The following RGS10 variants were observed in gnomAD, a reference collection of about 807,000 sequenced individuals.
RGS10 encodes the protein regulator of G-protein signalling 10.
Under a neutral mutation model 23.5 loss-of-function variants are expected in RGS10, and 11 were observed. The observed-to-expected ratio is 0.47, with a 90% CI of 0.29 to 0.77. The LOEUF (loss-of-function observed/expected upper bound fraction) is 0.77, where lower values mean the gene tolerates loss of function less well. RGS10 is among the 30% of genes least tolerant of loss of function. The pLI is 0.08. For missense variants in RGS10, 180 were observed against 226.3 expected (o/e 0.80, Z 1.31); for synonymous variants, 77 against 83.2 (o/e 0.92, Z 0.41).
At chr10:119,525,198 C>A (rs543542094) in intron 3 of RGS10, among the ~76,000 whole-genome samples, 162 of 152,250 alleles carry the variant, frequency 1.1e-3, no homozygotes, top group African/African-American at 3.7e-3. Flanking sequence ...GAAAGTCCAC[C>A]AGGGTCGCAG....
chr10:119,538,553 G>A lies in RGS10; in HGVS notation c.49+4037C>T, dbSNP rs1051153537. The stretch of plus-strand genomic sequence containing the variant: ...GTCCAGTCCCTCCAGGGGTAGAGTA[G>A]GGAGCAGGAAAAATGGGGCTGGGAA... On this transcript the variant is annotated intron_variant, in intron 1 of 4. Coordinates refer to ENST00000369103, the MANE Select transcript of RGS10 (RefSeq NM_001005339.2). This position sits in a 1 kb window ranked among gnomAD's most constrained non-coding sequence, Gnocchi z 4.5. Among the ~76,000 whole-genome samples the A allele has an allele frequency of 5.3e-5, 8 of 152,176 alleles. No homozygotes were observed. The highest frequency in any genetic ancestry group is 1.9e-4 in the African/African-American group (8 of 41,442).
At chr10:119,530,084 C>T (rs565506811) in intron 1 of RGS10, among the ~76,000 whole-genome samples, 2 of 152,116 alleles carry the variant, frequency 1.3e-5, no homozygotes, top group African/African-American at 4.8e-5. Flanking sequence ...GAGCGAGACT[C>T]CATCTGATTA....
At chr10:119,540,314 G>T (rs1021433885) in intron 1 of RGS10, among the ~76,000 whole-genome samples, 1 of 151,978 alleles carries the variant, frequency 6.6e-6, no homozygotes, top group Admixed American at 6.5e-5. Flanking sequence ...GCAGTGGCAC[G>T]ATCTAAGCTC....
intron 3 of RGS10, among the ~76,000 whole-genome samples, chr10:119,518,420 A>G (rs1344436959): frequency 6.6e-6 from 1 of 152,196 alleles, no homozygotes; most frequent in Non-Finnish European, 1.5e-5. Flanking sequence ...CCCTTCTTCG[A>G]GGCCCAGCAG....
chr10:119,520,432 C>T (rs1394430531), intron 3 of RGS10, among the ~76,000 whole-genome samples: 1 of 152,084 alleles, frequency 6.6e-6, no homozygotes, highest in African/African-American at 2.4e-5. Context: ...AGAAAGAAGC[C>T]ATCAGACCCC....
intron 1 of RGS10, among the ~76,000 whole-genome samples, chr10:119,541,447 A>G (rs1844433742): frequency 6.6e-6 from 1 of 152,202 alleles, no homozygotes; most frequent in South Asian, 2.1e-4. Context: ...CCAATTAAGT[A>G]CTTTAAAAGG....
intron 4 of RGS10, 92 bp downstream of exon 4, chr10:119,515,417 G>T: frequency 6.8e-7 from 1 of 1,480,672 alleles, no homozygotes; most frequent in Non-Finnish European, 9.3e-7. Context: ...TGGTTTCCAG[G>T]GAGTCTAACA....
chr10:119,521,519 G>A lies in RGS10; in HGVS notation c.255+4513C>T, dbSNP rs186688963. On this transcript the variant is annotated intron_variant, in intron 3 of 4. Coordinates refer to ENST00000369103, the MANE Select transcript of RGS10 (RefSeq NM_001005339.2). ...TGGAAGACAGAGGTTGCAGTGAGCC[G>A]AGATCATGCCATTGCACTCCAGCCT... Among the ~76,000 whole-genome samples the A allele has an allele frequency of 2.3e-4, 34 of 150,140 alleles. No individual in the cohort carries two copies. In the East Asian group the frequency reaches 5.3e-3, roughly 23 times the overall value.
chr10:119,525,593 C>T (rs1401668658), intron 3 of RGS10, among the ~76,000 whole-genome samples: 1 of 152,218 alleles, frequency 6.6e-6, no homozygotes, highest in Non-Finnish European at 1.5e-5. Flanking sequence ...GCTTTCTCTG[C>T]AGGATGCTCG....
chr10:119,518,751 C>T (rs1844175164), intron 3 of RGS10, among the ~76,000 whole-genome samples: 1 of 151,790 alleles, frequency 6.6e-6, no homozygotes, highest in Admixed American at 6.6e-5. Context: ...GTCGCCCAGG[C>T]TGGAGTGCAG....
chr10:119,508,875 T>C lies in RGS10; in HGVS notation c.399+6634A>G, dbSNP rs573416739. Among the ~76,000 whole-genome samples the C allele has an allele frequency of 7.2e-5, 11 of 152,276 alleles. No individual in the cohort carries two copies. In the South Asian group the frequency reaches 8.3e-4, roughly 11 times the overall value. ...ACTTTAGGAAGCCAAGGCTGGAGGA[T>C]TGCTTGAGCCCAGGAGTTCAAGACC... is the stretch of plus-strand genomic sequence containing the variant. On this transcript the variant is annotated intron_variant, in intron 4 of 4. Coordinates refer to ENST00000369103, the MANE Select transcript of RGS10 (RefSeq NM_001005339.2).
At position 119,499,837 on chromosome 10, in the gene RGS10, T is replaced by G; in HGVS notation, c.*276A>C. 1 of 321,536 alleles carries G rather than the reference T, an allele frequency of 3.1e-6. No individual in the cohort carries two copies. 19.9% of individuals were successfully genotyped at this position (321,536 alleles called of 1,614,324 possible). ...ATACGTTTCACCTTGTGGCCTTACA[T>G]GAGGTTTAATTAAGCTACAAAATGC... is the stretch of plus-strand genomic sequence containing the variant. On this transcript the variant is annotated 3_prime_UTR_variant, in exon 5 of 5. Coordinates refer to ENST00000369103, the MANE Select transcript of RGS10 (RefSeq NM_001005339.2).
intron 4 of RGS10, among the ~76,000 whole-genome samples, chr10:119,512,593 G>A (rs972159595): frequency 6.6e-6 from 1 of 152,096 alleles, no homozygotes; most frequent in African/African-American, 2.4e-5. Context: ...TGTCGCTCAG[G>A]CTGGAGTGCA....
chr10:119,536,839 C>T (rs1284095778), intron 1 of RGS10, among the ~76,000 whole-genome samples: 1 of 152,118 alleles, frequency 6.6e-6, no homozygotes, highest in Non-Finnish European at 1.5e-5. Context: ...GACATTTCTG[C>T]GTAAAGCTGC....
rs150882691 is a variant in RGS10 at position 119,501,978 on chromosome 10, C to T, written c.400-1719G>A. 1.7e-3 allele frequency among the ~76,000 whole-genome samples: 254 copies of T among 152,174 alleles called. 1 individual carries two copies. The highest frequency in any genetic ancestry group is 7.1e-3 in the South Asian group (34 of 4,822). On this transcript the variant is annotated intron_variant, in intron 4 of 4. Transcript: ENST00000369103. ...TTAAACTGTTAAACTAGCGCCTGCCCATCCCCTGGTGCCCTTCTAGTCTTG... is the reference window on the plus strand; with the variant it reads ...TTAAACTGTTAAACTAGCGCCTGCCTATCCCCTGGTGCCCTTCTAGTCTTG...
intron 1 of RGS10, among the ~76,000 whole-genome samples, chr10:119,531,257 C>T (rs1006968440): frequency 9.9e-5 from 15 of 152,200 alleles, no homozygotes; most frequent in African/African-American, 3.6e-4. Flanking sequence ...TCTAGAGACA[C>T]AAGTTCACTG....
In RGS10 at chr10:119,517,692, G is replaced by A. The variant is rs1368174058; in HGVS notation, c.256-2040C>T. 3.3e-5 allele frequency among the ~76,000 whole-genome samples: 5 copies of A among 151,930 alleles called. No individual in the cohort carries two copies. The highest frequency in any genetic ancestry group is 2.1e-4 in the South Asian group (1 of 4,800). ...CACACGCACACACACACGCACACACGTGCACACACGCACACACATACACAC... is the reference window on the plus strand; with the variant it reads ...CACACGCACACACACACGCACACACATGCACACACGCACACACATACACAC... On this transcript the variant is annotated intron_variant, in intron 3 of 4. Coordinates refer to ENST00000369103, the MANE Select transcript of RGS10 (RefSeq NM_001005339.2). The surrounding 1 kb of genome is among the most constrained non-coding windows in gnomAD (Gnocchi z 5.0).
At chr10:119,536,523 C>G in intron 1 of RGS10, 1 of 1,605,416 alleles carries the variant, frequency 6.2e-7, no homozygotes, top group Non-Finnish European at 8.5e-7. Context: ...CACTGCCTTC[C>G]CAGAGACGCC....
chr10:119,505,457 C>T (rs1423119305), intron 4 of RGS10, among the ~76,000 whole-genome samples: 1 of 151,826 alleles, frequency 6.6e-6, no homozygotes, highest in Non-Finnish European at 1.5e-5. Flanking sequence ...GGATCCAATC[C>T]TACAGGCTGC....
Sources: allele counts gnomAD v4.1 joint callset (sites outside exome capture counted in the v4.1 genomes callset), GRCh38; gene constraint gnomAD v4.1.1; non-coding constraint Gnocchi (gnomAD v3.1); transcripts MANE v1.5; gene names NCBI Gene and HGNC (gene_info 2026-07-23, HGNC 2026-07-21).